The following PPARGC1A variants were observed in gnomAD, a reference collection of about 807,000 sequenced individuals.
PPARGC1A encodes peroxisome proliferator-activated receptor gamma coactivator 1-alpha.
In PPARGC1A, 25 loss-of-function variants were observed where a neutral mutation model predicts 88.7. That is an observed-to-expected ratio of 0.28 (90% confidence interval 0.21 to 0.39). The LOEUF is 0.39. Among genes scored for constraint, PPARGC1A ranks in the 10% least tolerant of loss-of-function variants. The pLI is 1.00. For missense variants in PPARGC1A, 880 were observed against 968.7 expected (o/e 0.91, Z 1.22); for synonymous variants, 363 against 355.6 (o/e 1.02, Z -0.24).
the PPARGC1A span, among the ~76,000 whole-genome samples, chr4:24,466,886 C>CA: frequency 0.015 from 1,046 of 68,226 alleles, 41 homozygotes; most frequent in African/African-American, 0.055. Context: ...TGCACACCAG[C>CA]AAAAAAAAAA....
intron 2 of PPARGC1A, among the ~76,000 whole-genome samples, chr4:23,844,700 TATC>T (rs1192971387): frequency 4.0e-5 from 4 of 100,392 alleles, no homozygotes; most frequent in Non-Finnish European, 5.2e-5. Context: ...ATATATGATC[TATC>T]ATAATATATG....
chr4:23,966,141 A>G, the PPARGC1A span, among the ~76,000 whole-genome samples: 1 of 152,184 alleles, frequency 6.6e-6, no homozygotes, highest in African/African-American at 2.4e-5. Flanking sequence ...AAACAAAGGA[A>G]AGTGGGCACA....
At chr4:24,047,178 G>A in the PPARGC1A span, among the ~76,000 whole-genome samples, 1 of 152,086 alleles carries the variant, frequency 6.6e-6, no homozygotes, top group Admixed American at 6.5e-5. Flanking sequence ...CTGGACTTTG[G>A]TCCCGTCAGA....
At chr4:24,370,993 A>G in the PPARGC1A span, among the ~76,000 whole-genome samples, 1 of 151,612 alleles carries the variant, frequency 6.6e-6, no homozygotes, top group African/African-American at 2.4e-5. Flanking sequence ...ATGTGTTCTC[A>G]TTGTTCAACT....
chr4:24,326,807 A>G, the PPARGC1A span, among the ~76,000 whole-genome samples: 1 of 150,598 alleles, frequency 6.6e-6, no homozygotes, highest in East Asian at 2.0e-4. Flanking sequence ...CTTTCTGTCC[A>G]AACAACTTGA....
chr4:24,002,777 T>C, the PPARGC1A span, among the ~76,000 whole-genome samples: 1 of 152,136 alleles, frequency 6.6e-6, no homozygotes, highest in Admixed American at 6.5e-5. Flanking sequence ...TGCCACTGTT[T>C]CACTGTTTGG....
At chr4:24,179,333 C>T in the PPARGC1A span, among the ~76,000 whole-genome samples, 509 of 152,242 alleles carry the variant, frequency 3.3e-3, 2 homozygotes, top group African/African-American at 0.012. Context: ...CCCTTTATCA[C>T]GTAACTGTGC....
the PPARGC1A span, among the ~76,000 whole-genome samples, chr4:24,052,063 A>C: frequency 6.6e-6 from 1 of 152,170 alleles, no homozygotes; most frequent in African/African-American, 2.4e-5. Flanking sequence ...GAAAAAAGGC[A>C]ATGGGAAACA....
chr4:24,091,653 C>T, the PPARGC1A span: 27 of 984,826 alleles, frequency 2.7e-5, no homozygotes, highest in South Asian at 5.6e-4. Context: ...GGAGAAAATG[C>T]CATGCCAGAG....
the PPARGC1A span, among the ~76,000 whole-genome samples, chr4:24,182,270 G>T: frequency 6.6e-6 from 1 of 152,140 alleles, no homozygotes; most frequent in African/African-American, 2.4e-5. Context: ...TCCTGTGTTA[G>T]TTTGCTGAGA....
chr4:24,087,849 C>A, the PPARGC1A span, among the ~76,000 whole-genome samples: 1 of 152,152 alleles, frequency 6.6e-6, no homozygotes, highest in South Asian at 2.1e-4. Flanking sequence ...AGTTCATTTC[C>A]AACTCCATAA....
chr4:23,875,838 T>C (rs1298815601), intron 2 of PPARGC1A: 1 of 152,228 alleles, frequency 6.6e-6, no homozygotes, highest in African/African-American at 2.4e-5. Context: ...TTTGCTTAGA[T>C]TTATTGCTAT....
chr4:24,401,133 T>C, the PPARGC1A span, among the ~76,000 whole-genome samples: 4 of 149,614 alleles, frequency 2.7e-5, no homozygotes, highest in Admixed American at 2.0e-4. Flanking sequence ...ATTCTCCTGC[T>C]TCAGCCTCCC....
At chr4:23,981,609 G>T in the PPARGC1A span, among the ~76,000 whole-genome samples, 8 of 152,142 alleles carry the variant, frequency 5.3e-5, no homozygotes, top group Admixed American at 1.3e-4. Flanking sequence ...TACAGAAAGG[G>T]AGAGCCCAGG....
At chr4:24,349,750 C>T in the PPARGC1A span, among the ~76,000 whole-genome samples, 5 of 152,182 alleles carry the variant, frequency 3.3e-5, no homozygotes, top group Admixed American at 6.5e-5. Flanking sequence ...GAGAAAAGGG[C>T]TTTAGTTCTT....
At chr4:23,947,388 TATATATATAAAAAA>T in the PPARGC1A span, among the ~76,000 whole-genome samples, 1 of 11,698 alleles carries the variant, frequency 8.5e-5, no homozygotes, top group African/African-American at 1.8e-4. Context: ...TATATATATA[TATATATATAAAAAA>T]AACGGTGATG....
At chr4:24,438,365 A>G in the PPARGC1A span, among the ~76,000 whole-genome samples, 1 of 152,190 alleles carries the variant, frequency 6.6e-6, no homozygotes, top group Admixed American at 6.5e-5. Context: ...CGAGGGTATG[A>G]TACTAGAGAA....
the PPARGC1A span, among the ~76,000 whole-genome samples, chr4:24,127,741 A>G: frequency 6.6e-6 from 1 of 152,090 alleles, no homozygotes. Flanking sequence ...GTGTTTCATA[A>G]GCATCAATAA....
the PPARGC1A span, among the ~76,000 whole-genome samples, chr4:24,283,683 G>A: frequency 1.3e-5 from 2 of 152,176 alleles, no homozygotes; most frequent in African/African-American, 4.8e-5. Context: ...GCAGTGGAGA[G>A]TGGTTAGAAG....
Sources: gnomAD v4.1 joint callset for allele counts (sites outside exome capture counted in the v4.1 genomes callset) on GRCh38, gnomAD v4.1.1 for gene constraint, MANE v1.5 for transcripts, NCBI Gene and HGNC (gene_info 2026-07-23, HGNC 2026-07-21) for gene names.